MTMR12: variants seen among roughly 807,000 people sequenced by gnomAD.
MTMR12 encodes the protein myotubularin-related protein 12.
In MTMR12, 33 loss-of-function variants were observed where a neutral mutation model predicts 96.7. The observed-to-expected ratio is 0.34, with a 90% CI of 0.26 to 0.46. The LOEUF is 0.46. Ranked by LOEUF, MTMR12 falls within the 20% of genes least tolerant of loss-of-function variation. The probability of loss-of-function intolerance (pLI) is 1.00; values close to 1 mark genes in which losing one functional copy is unlikely to be tolerated. For synonymous variants in MTMR12, 298 were observed against 327.2 expected (o/e 0.91, Z 0.96); for missense variants, 721 against 896.1 (o/e 0.80, Z 2.49).
At chr5:32,298,113 T>C (rs539452153) in intron 1 of MTMR12, among the ~76,000 whole-genome samples, 1 of 152,234 alleles carries the variant, frequency 6.6e-6, no homozygotes, top group South Asian at 2.1e-4. Flanking sequence ...GATGACAACA[T>C]GAAGGCCGCG....
At position 32,233,623 on chromosome 5, in the gene MTMR12, C is replaced by G. The variant is rs1748092812; in HGVS notation, c.1674+150G>C. 1.8e-6 allele frequency: 2 copies of G among 1,111,466 alleles called. No individual in the cohort carries two copies. Among genetic ancestry groups the G allele is most frequent in the African/African-American group, 3.1e-5 (2 of 64,048 alleles). 68.9% of individuals were successfully genotyped at this position (1,111,466 alleles called of 1,614,324 possible). A position where few individuals can be genotyped will look rare whatever the true frequency, so the allele number is the denominator to read the frequency against. On this transcript the variant is annotated intron_variant, in intron 15 of 15. Coordinates refer to ENST00000382142, the MANE Select transcript of MTMR12 (RefSeq NM_001040446.3). The surrounding 1 kb of genome is among the most constrained non-coding windows in gnomAD (Gnocchi z 5.0). ...TGCTGAAAGCAAAGGATTCTAATGG[C>G]CCTTGACAATTTGACCATCACAAGT...
chr5:32,282,346 G>A (rs185963157), intron 1 of MTMR12, among the ~76,000 whole-genome samples: 2,101 of 152,002 alleles, frequency 0.014, 54 homozygotes, highest in African/African-American at 0.048. Flanking sequence ...GCGTGAGCCC[G>A]GGAGGCGGGG....
At chr5:32,268,162 TCAAA>T (rs1368102563) in intron 6 of MTMR12, among the ~76,000 whole-genome samples, 1 of 151,884 alleles carries the variant, frequency 6.6e-6, no homozygotes, top group Non-Finnish European at 1.5e-5. Context: ...ACGCAACCAA[TCAAA>T]CAATCCCTTG....
intron 12 of MTMR12, among the ~76,000 whole-genome samples, chr5:32,240,580 C>T (rs1748429648): frequency 6.6e-6 from 1 of 152,034 alleles, no homozygotes; most frequent in South Asian, 2.1e-4. Flanking sequence ...TCATTTTTGT[C>T]TTCTAGTGCT....
Position 32,312,637 on chromosome 5 carries a change from C to T in MTMR12, c.81+121G>A. The stretch of plus-strand genomic sequence containing the variant: ...GCGGCCTCAGCCCGCCTGGCTGCCC[C>T]GTCGCCCGGCACAAGGGCAGGAAGC... On this transcript the variant is annotated intron_variant, in intron 1 of 15. Transcript: ENST00000382142. This position sits in a 1 kb window ranked among gnomAD's most constrained non-coding sequence, Gnocchi z 5.0. 1 of 930,512 alleles carries T rather than the reference C, an allele frequency of 1.1e-6. No homozygotes were observed. Among genetic ancestry groups the T allele is most frequent in the Non-Finnish European group, 1.4e-6 (1 of 723,546 alleles). The allele number at this position is 930,512 out of a possible 1,614,324, so 57.6% of individuals were successfully genotyped here. A position where few individuals can be genotyped will look rare whatever the true frequency, so the allele number is the denominator to read the frequency against.
intron 7 of MTMR12, among the ~76,000 whole-genome samples, chr5:32,259,214 C>T (rs1749262973): frequency 6.6e-6 from 1 of 152,240 alleles, no homozygotes; most frequent in African/African-American, 2.4e-5. Context: ...TGTGTATCTA[C>T]TCAGGCACAA....
intron 2 of MTMR12, 121 bp from the exon 3 acceptor site, chr5:32,274,243 GA>G (rs987744712): frequency 8.4e-7 from 1 of 1,195,238 alleles, no homozygotes; most frequent in Non-Finnish European, 1.2e-6. Context: ...CAGGGCTTTA[GA>G]ACTTTACACT....
At chr5:32,304,191 G>T (rs959376757) in intron 1 of MTMR12, among the ~76,000 whole-genome samples, 1 of 152,020 alleles carries the variant, frequency 6.6e-6, no homozygotes. Flanking sequence ...GTGGTGGCAC[G>T]TGCCTGTAGT....
At chr5:32,245,647 G>C (rs1213473051) in intron 10 of MTMR12, among the ~76,000 whole-genome samples, 2 of 152,086 alleles carry the variant, frequency 1.3e-5, no homozygotes, top group Non-Finnish European at 2.9e-5. Context: ...GGCCAACATA[G>C]TGAAACCTTG....
intron 1 of MTMR12, among the ~76,000 whole-genome samples, chr5:32,298,134 G>A (rs1750996129): frequency 6.6e-6 from 1 of 152,170 alleles, no homozygotes; most frequent in African/African-American, 2.4e-5. Context: ...TTCAGCAGAA[G>A]GCTGGCTGTG....
Position 32,233,508 on chromosome 5 carries a change from A to G in MTMR12, c.1674+265T>C, listed in dbSNP as rs1371473822. Among the ~76,000 whole-genome samples, 1 of 151,872 alleles carries G rather than the reference A, an allele frequency of 6.6e-6. No individual in the cohort carries two copies. Among genetic ancestry groups the G allele is most frequent in the Non-Finnish European group, 1.5e-5 (1 of 68,004 alleles). ...CACACACACACACACAGGCAGGACA[A>G]GAGGCACGATTCCATGGAGTATGAC... is the stretch of plus-strand genomic sequence containing the variant. On this transcript the variant is annotated intron_variant, in intron 15 of 15. Transcript: ENST00000382142. This position sits in a 1 kb window ranked among gnomAD's most constrained non-coding sequence, Gnocchi z 5.0.
Position 32,276,667 on chromosome 5 carries a change from T to C in MTMR12, c.142+15A>G. ...TTGCCTTGCATAGGAGTTACTATGC[T>C]AACATGACAGTTACCTGGCAACAAG... On this transcript the variant is annotated intron_variant, in intron 2 of 15. Transcript: ENST00000382142. The C allele has an allele frequency of 6.2e-7, 1 of 1,609,890 alleles. No individual in the cohort carries two copies. The highest frequency in any genetic ancestry group is 8.5e-7 in the Non-Finnish European group (1 of 1,176,184).
At chr5:32,287,301 T>A (rs917370182) in intron 1 of MTMR12, among the ~76,000 whole-genome samples, 3 of 152,122 alleles carry the variant, frequency 2.0e-5, no homozygotes, top group Admixed American at 2.0e-4. Flanking sequence ...GGTGGACCAA[T>A]CTAATCAGCT....
chr5:32,275,311 T>C (rs1281781068), intron 2 of MTMR12, among the ~76,000 whole-genome samples: 1 of 152,068 alleles, frequency 6.6e-6, no homozygotes, highest in Non-Finnish European at 1.5e-5. Flanking sequence ...CAGGGCCTCA[T>C]TAGGGTTTAA....
chr5:32,296,247 G>C (rs1188963350), intron 1 of MTMR12: 4 of 156,298 alleles, frequency 2.6e-5, no homozygotes, highest in Admixed American at 1.3e-4. Context: ...GGAGGCCGAG[G>C]GTGGGAGGAT....
At chr5:32,252,490 G>A (rs1219112011) in intron 8 of MTMR12, among the ~76,000 whole-genome samples, 1 of 152,192 alleles carries the variant, frequency 6.6e-6, no homozygotes, top group Admixed American at 6.5e-5. Flanking sequence ...ATTGATTTGA[G>A]TGCTTATATG....
At chr5:32,286,087 C>A (rs1750529774) in intron 1 of MTMR12, among the ~76,000 whole-genome samples, 1 of 152,154 alleles carries the variant, frequency 6.6e-6, no homozygotes, top group African/African-American at 2.4e-5. Flanking sequence ...TGTCTATAAT[C>A]CCAGCACTCT....
At chr5:32,284,833 C>T (rs1750463136) in intron 1 of MTMR12, among the ~76,000 whole-genome samples, 1 of 152,154 alleles carries the variant, frequency 6.6e-6, no homozygotes, top group Admixed American at 6.5e-5. Flanking sequence ...ACTGGTTAGG[C>T]TGACAGACTT....
intron 1 of MTMR12, among the ~76,000 whole-genome samples, chr5:32,297,123 T>C (rs966611440): frequency 6.6e-6 from 1 of 150,426 alleles, no homozygotes; most frequent in Non-Finnish European, 1.5e-5. Context: ...AAAAAAGATA[T>C]AATTTACCAA....
Sources: gnomAD v4.1 joint callset for allele counts (sites outside exome capture counted in the v4.1 genomes callset) on GRCh38, gnomAD v4.1.1 for gene constraint, Gnocchi (gnomAD v3.1) non-coding constraint, MANE v1.5 for transcripts, NCBI Gene and HGNC (gene_info 2026-07-23, HGNC 2026-07-21) for gene names.